The following VWDE variants were observed in gnomAD, a reference collection of about 807,000 sequenced individuals.
VWDE encodes von Willebrand factor D and EGF domains, also known as von Willebrand factor D and EGF domain-containing protein.
VWDE carries 207 observed loss-of-function variants against 178.4 expected under a neutral mutation model. That is an observed-to-expected ratio of 1.16 (90% CI 1.04 to 1.30). The LOEUF is 1.30. VWDE is among the 50% of genes most tolerant of loss of function. The pLI is 0.00. For synonymous variants in VWDE, 738 were observed against 651.4 expected, an observed-to-expected ratio of 1.13 and a Z score of -2.02; for missense variants, 2,287 against 1,901.3, an observed-to-expected ratio of 1.20 and a Z score of -3.77.
intron 24 of VWDE, 43 bp downstream of exon 24, chr7:12,340,279 A>G (rs566865745): frequency 8.1e-5 from 116 of 1,438,102 alleles, no homozygotes; most frequent in South Asian, 2.1e-4. Flanking sequence ...TTGATATCTA[A>G]CTTTCCATTT....
chr7:12,372,214 T>C (rs1277462586), intron 10 of VWDE, among the ~76,000 whole-genome samples: 1 of 152,072 alleles, frequency 6.6e-6, no homozygotes, highest in Non-Finnish European at 1.5e-5. Context: ...GGAGTGCTGA[T>C]TATACATTAG....
intron 1 of VWDE, among the ~76,000 whole-genome samples, chr7:12,403,135 C>A (rs1369341495): frequency 1.3e-5 from 2 of 152,118 alleles, no homozygotes; most frequent in African/African-American, 4.8e-5. Flanking sequence ...AAAACTGATT[C>A]TAACATATAT....
chr7:12,337,019 A>C lies in VWDE; in HGVS notation c.4527T>G (p.Pro1509=). 6.4e-7 allele frequency: 1 copy of C among 1,551,550 alleles called. No individual in the cohort carries two copies. The highest frequency in any genetic ancestry group is 1.2e-5 in the South Asian group (1 of 84,054). The change falls in exon 26 of 29, where the codon CCT becomes CCG. Residue 1509 remains proline, a synonymous_variant. Transcript: ENST00000275358. ...TGCATCGTTTCCCACTCCAACCAGA[A>C]GGACAAGAGCAAGTGCTTGGTCCCA... ...KCVGPSTCSC[P]SGWSGKRCNT...
chr7:12,355,853 G>A (rs532415042), intron 18 of VWDE, among the ~76,000 whole-genome samples: 47 of 152,136 alleles, frequency 3.1e-4, no homozygotes, highest in Middle Eastern at 3.4e-3. Context: ...AATACAGGTA[G>A]GAATGTTTAG....
In VWDE at chr7:12,361,229, A is replaced by G; in HGVS notation, c.3077T>C (p.Phe1026Ser). The change falls in exon 15 of 29, where the codon TTC (phenylalanine) becomes TCC (serine). Residue 1026 changes from phenylalanine to serine, a missense_variant. By Grantham distance (155) the Phe-to-Ser change is radical. Coordinates refer to ENST00000275358, the MANE Select transcript of VWDE (RefSeq NM_001135924.3). ...QLKVSNDGYK[F>S]SNPKITVIYD... ...TATGACCGTTATTTTGGGATTACTG[A>G]ATTTATAACCATCATTAGATACCTG... 1.3e-6 allele frequency: 2 copies of G among 1,548,312 alleles called. No individual in the cohort carries two copies. The highest frequency in any genetic ancestry group is 1.7e-6 in the Non-Finnish European group (2 of 1,144,498).
chr7:12,367,195 G>C (rs941109537), intron 13 of VWDE, among the ~76,000 whole-genome samples, 162 bp downstream of exon 13: 4 of 151,972 alleles, frequency 2.6e-5, no homozygotes, highest in Non-Finnish European at 5.9e-5. Context: ...AGTTAACAAA[G>C]AAGCGTCAAC....
rs140532738 is a variant in VWDE at position 12,391,144 on chromosome 7, C to T, written c.244-1786G>A. On this transcript the variant is annotated intron_variant, in intron 2 of 28. Coordinates refer to ENST00000275358, the MANE Select transcript of VWDE (RefSeq NM_001135924.3). ...AATTGAACATATAACATGAACATTA[C>T]GAAATATAAATAAGATAAAACAATA... Among the ~76,000 whole-genome samples the T allele has an allele frequency of 4.4e-3, 676 of 151,970 alleles. 3 individuals are homozygous for T. Among genetic ancestry groups the T allele is most frequent in the South Asian group, 9.1e-3 (44 of 4,812 alleles).
intron 19 of VWDE, among the ~76,000 whole-genome samples, chr7:12,349,236 A>AATAAATAAATAC: frequency 1.2e-5 from 1 of 84,100 alleles, no homozygotes; most frequent in Non-Finnish European, 2.2e-5. Context: ...TAATCATAAT[A>AATAAATAAATAC]ATAAATAAAT....
rs1785033599 is a variant in VWDE at position 12,403,798 on chromosome 7, G to C, written c.-82C>G. Reference sequence around the variant, plus strand: ...GAGGATGGGGCCACAGCAGCCCCTCGGGCCTCCTTTCTTGGATTTTCTCAG... The same window carrying C: ...GAGGATGGGGCCACAGCAGCCCCTCCGGCCTCCTTTCTTGGATTTTCTCAG... On this transcript the variant is annotated 5_prime_UTR_variant, in exon 1 of 29. Coordinates refer to ENST00000275358, the MANE Select transcript of VWDE (RefSeq NM_001135924.3). 1 of 1,429,164 alleles carries C rather than the reference G, an allele frequency of 7.0e-7. No homozygotes were observed. Among genetic ancestry groups the C allele is most frequent in the Admixed American group, 2.0e-5 (1 of 49,032 alleles). The allele number at this position is 1,429,164 out of a possible 1,614,324, so 88.5% of individuals were successfully genotyped here.
intron 13 of VWDE, among the ~76,000 whole-genome samples, chr7:12,362,254 C>A (rs1482795499): frequency 6.6e-6 from 1 of 150,986 alleles, no homozygotes; most frequent in Non-Finnish European, 1.5e-5. Context: ...CATAAAAATG[C>A]ACACATACTG....
At chr7:12,384,291 G>C (rs1170920901) in intron 3 of VWDE, among the ~76,000 whole-genome samples, 8 of 151,980 alleles carry the variant, frequency 5.3e-5, no homozygotes, top group African/African-American at 1.9e-4. Flanking sequence ...TGAAATCTAG[G>C]AAAAAACAAC....
intron 24 of VWDE, among the ~76,000 whole-genome samples, chr7:12,339,068 A>T (rs1781189273): frequency 6.6e-6 from 1 of 151,292 alleles, no homozygotes; most frequent in East Asian, 1.9e-4. Context: ...AAAGCCAGAA[A>T]GTCTGAGGCA....
In VWDE at chr7:12,349,507, T is replaced by C. The variant is rs116005839; in HGVS notation, c.3886+2066A>G. 8.8e-3 allele frequency among the ~76,000 whole-genome samples: 1,339 copies of C among 151,584 alleles called. 21 individuals are homozygous for C. Among genetic ancestry groups the C allele is most frequent in the African/African-American group, 0.03 (1,234 of 41,496 alleles). On this transcript the variant is annotated intron_variant, in intron 19 of 28. Transcript: ENST00000275358. ...GCTATAAATAAAAGATTTAAAAATA[T>C]ATTTATTTGATTACATAAAATCTTA...
intron 4 of VWDE, among the ~76,000 whole-genome samples, chr7:12,381,684 C>T (rs553162002): frequency 2.0e-5 from 3 of 151,726 alleles, no homozygotes; most frequent in African/African-American, 7.3e-5. Context: ...AAACATTAGA[C>T]CAAATCAGTA....
intron 17 of VWDE, among the ~76,000 whole-genome samples, chr7:12,356,763 A>C (rs1186558747): frequency 3.3e-5 from 5 of 152,352 alleles, no homozygotes; most frequent in African/African-American, 1.2e-4. Flanking sequence ...GCGTGTTCCA[A>C]GTTTCAAATG....
chr7:12,350,816 C>T (rs1193985381), intron 19 of VWDE, among the ~76,000 whole-genome samples: 5 of 151,990 alleles, frequency 3.3e-5, no homozygotes, highest in South Asian at 2.1e-4. Flanking sequence ...AGGTAAGATA[C>T]AAAAAATGTC....
At chr7:12,343,869 C>T (rs1348071274) in intron 21 of VWDE, among the ~76,000 whole-genome samples, 3 of 152,028 alleles carry the variant, frequency 2.0e-5, no homozygotes, top group Non-Finnish European at 4.4e-5. Flanking sequence ...TTTGGTAGAT[C>T]ATTCAATAGC....
intron 1 of VWDE, among the ~76,000 whole-genome samples, chr7:12,399,100 C>T (rs1784759893): frequency 6.6e-6 from 1 of 151,992 alleles, no homozygotes. Flanking sequence ...TTCAGCAACA[C>T]AAATGGTTGA....
intron 18 of VWDE, chr7:12,354,472 T>A (rs1269105245): frequency 2.6e-6 from 1 of 380,192 alleles, no homozygotes; most frequent in Non-Finnish European, 5.1e-6. Flanking sequence ...ATCAACATCT[T>A]CCTGGCAATT....
Sources: allele counts gnomAD v4.1 joint callset (sites outside exome capture counted in the v4.1 genomes callset), GRCh38; gene constraint gnomAD v4.1.1; transcripts MANE v1.5; gene names NCBI Gene and HGNC (gene_info 2026-07-23, HGNC 2026-07-21).